The following GPRIN3 variants were observed in gnomAD, a reference collection of about 807,000 sequenced individuals.
GPRIN3 encodes GPRIN family member 3, also known as G protein-regulated inducer of neurite outgrowth 3.
In GPRIN3, 12 loss-of-function variants were observed where a neutral mutation model predicts 13.7. That is an observed-to-expected ratio of 0.87 (90% confidence interval 0.56 to 1.42). GPRIN3 has a LOEUF of 1.42. Among genes scored for constraint, GPRIN3 ranks in the 40% most tolerant of loss-of-function variants. GPRIN3 has a pLI of 0.00. For missense variants in GPRIN3, 1,009 were observed against 958.7 expected (o/e 1.05, Z -0.69); for synonymous variants, 377 against 372.7 (o/e 1.01, Z -0.13).
At position 89,249,351 on chromosome 4, in the gene GPRIN3, C is replaced by G; in HGVS notation, c.760G>C (p.Ala254Pro). The change falls in exon 2 of 2, where the codon GCC becomes CCC. Residue 254 changes from alanine to proline, a missense_variant. Physicochemically the swap from Ala to Pro is conservative, Grantham distance 27. Coordinates refer to ENST00000609438, the MANE Select transcript of GPRIN3 (RefSeq NM_198281.3). Reference sequence around the variant, plus strand: ...GAAGTTGTGCCTTGGGGGCCCGAGGCAGTGACAGAGGGCTGCTTGTTCTCT... The same window carrying G: ...GAAGTTGTGCCTTGGGGGCCCGAGGGAGTGACAGAGGGCTGCTTGTTCTCT... The part of the protein sequence containing the change: ...CSENKQPSVT[A>P]SGPQGTTSVT... 1 of 1,614,110 alleles carries G rather than the reference C, an allele frequency of 6.2e-7. No individual in the cohort carries two copies. Among genetic ancestry groups the G allele is most frequent in the Non-Finnish European group, 8.5e-7 (1 of 1,180,016 alleles).
intron 1 of GPRIN3, among the ~76,000 whole-genome samples, chr4:89,253,995 T>C (rs1723400052): frequency 6.6e-6 from 1 of 152,128 alleles, no homozygotes; most frequent in Non-Finnish European, 1.5e-5. Flanking sequence ...TGGTTTAGAA[T>C]GGGGAGTATG....
intron 1 of GPRIN3, among the ~76,000 whole-genome samples, chr4:89,264,807 A>AT (rs1202875303): frequency 6.6e-6 from 1 of 152,152 alleles, no homozygotes; most frequent in South Asian, 2.1e-4. Flanking sequence ...TGAAATTACT[A>AT]TTTTTTTCCA....
Position 89,247,471 on chromosome 4 carries a change from C to T in GPRIN3, c.*309G>A, listed in dbSNP as rs1247075456. ...ACAAAATAATACATGTATAATGATA[C>T]AATAATGCTATTTCTATGAACAACA... On this transcript the variant is annotated 3_prime_UTR_variant, in exon 2 of 2. Transcript: ENST00000609438. 5 of 272,126 alleles carry T rather than the reference C, an allele frequency of 1.8e-5. No individual in the cohort carries two copies. The highest frequency in any genetic ancestry group is 2.8e-5 in the Non-Finnish European group (4 of 145,234). 16.9% of individuals were successfully genotyped at this position (272,126 alleles called of 1,614,324 possible).
intron 1 of GPRIN3, among the ~76,000 whole-genome samples, chr4:89,260,890 G>C (rs1277053936): frequency 6.6e-6 from 1 of 152,108 alleles, no homozygotes; most frequent in Non-Finnish European, 1.5e-5. Context: ...TATTTAATAA[G>C]CTAACTGCCT....
chr4:89,291,047 C>A (rs1724557597), intron 1 of GPRIN3, among the ~76,000 whole-genome samples: 1 of 152,134 alleles, frequency 6.6e-6, no homozygotes, highest in Non-Finnish European at 1.5e-5. Context: ...TATCAGAGTG[C>A]AAATCTGTTC....
rs1723220142 is a variant in GPRIN3, at chr4:89,249,075, C to T, written c.1036G>A (p.Glu346Lys). ...SPSILTAFLK[E>K]SRAPEHFEQE... is the part of the protein sequence containing the mutation. ...TCAAAATGCTCAGGAGCACGGCTTT[C>T]CTTCAGAAATGCAGTGAGGATACTG... is the stretch of plus-strand genomic sequence containing the variant. The change falls in exon 2 of 2, where the codon GAA (glutamate) becomes AAA (lysine). Residue 346 changes from glutamate (E) to lysine (K), a missense_variant. Glu to Lys is a moderately conservative substitution (Grantham distance 56). Coordinates refer to ENST00000609438, the MANE Select transcript of GPRIN3 (RefSeq NM_198281.3). 6.2e-7 allele frequency: 1 copy of T among 1,614,176 alleles called. No individual in the cohort carries two copies. Among genetic ancestry groups the T allele is most frequent in the Non-Finnish European group, 8.5e-7 (1 of 1,180,026 alleles).
In GPRIN3 at chr4:89,248,794, C is replaced by T. The variant is rs1723201525; in HGVS notation, c.1317G>A (p.Arg439=). The T allele has an allele frequency of 1.2e-6, 2 of 1,614,088 alleles. No individual in the cohort carries two copies. Among genetic ancestry groups the T allele is most frequent in the South Asian group, 2.2e-5 (2 of 91,088 alleles). ...NAQHTCKEDG[R]LAGMTPVREE... ...CCCTCACTGGAGTCATTCCTGCTAA[C>T]CTCCCATCTTCTTTACACGTATGCT... is the stretch of plus-strand genomic sequence containing the variant. Residue 439 remains arginine, a synonymous_variant, in exon 2 of 2, where the codon AGG becomes AGA. Transcript: ENST00000609438.
chr4:89,306,621 C>T (rs1561241659), intron 1 of GPRIN3, among the ~76,000 whole-genome samples: 1 of 152,262 alleles, frequency 6.6e-6, no homozygotes, highest in East Asian at 1.9e-4. Context: ...ACACCTTACT[C>T]AAAGGTGGGT....
chr4:89,267,610 C>T (rs1432320519), intron 1 of GPRIN3, among the ~76,000 whole-genome samples: 1 of 152,178 alleles, frequency 6.6e-6, no homozygotes, highest in Admixed American at 6.5e-5. Context: ...TGGTCCTTAA[C>T]ATTCTTTCCT....
chr4:89,294,334 C>T (rs1164737384), intron 1 of GPRIN3, among the ~76,000 whole-genome samples: 1 of 152,072 alleles, frequency 6.6e-6, no homozygotes, highest in Non-Finnish European at 1.5e-5. Flanking sequence ...ATCAGCTGAG[C>T]CCAGGAGTTT....
intron 1 of GPRIN3, among the ~76,000 whole-genome samples, chr4:89,267,202 T>C (rs6532151): frequency 0.22 from 33,343 of 152,132 alleles, 4,348 homozygotes; most frequent in African/African-American, 0.37. Context: ...GCCAAGAGGT[T>C]TCCCATTTTA....
chr4:89,270,915 C>A (rs1383131660), intron 1 of GPRIN3, among the ~76,000 whole-genome samples: 2 of 151,974 alleles, frequency 1.3e-5, no homozygotes, highest in Non-Finnish European at 2.9e-5. Context: ...GAAGTGGAAA[C>A]TGAAAGAGAA....
intron 1 of GPRIN3, among the ~76,000 whole-genome samples, chr4:89,280,589 T>C (rs1405014446): frequency 1.3e-5 from 2 of 152,226 alleles, no homozygotes; most frequent in Non-Finnish European, 2.9e-5. Flanking sequence ...CTCTACTGTG[T>C]TGGACACTGT....
intron 1 of GPRIN3, among the ~76,000 whole-genome samples, chr4:89,286,825 T>C (rs1724430573): frequency 1.3e-5 from 2 of 152,174 alleles, no homozygotes; most frequent in African/African-American, 4.8e-5. Flanking sequence ...AGCAAATTAT[T>C]TTTGAATTCT....
At chr4:89,299,136 T>G (rs1724821467) in intron 1 of GPRIN3, among the ~76,000 whole-genome samples, 4 of 152,190 alleles carry the variant, frequency 2.6e-5, no homozygotes, top group African/African-American at 7.2e-5. Context: ...TTATATATTA[T>G]CAACCCATTT....
At chr4:89,283,856 C>T (rs937322617) in intron 1 of GPRIN3, among the ~76,000 whole-genome samples, 1 of 152,014 alleles carries the variant, frequency 6.6e-6, no homozygotes, top group Non-Finnish European at 1.5e-5. Context: ...GCTGCAGCTC[C>T]GGATGCAAGA....
intron 1 of GPRIN3, among the ~76,000 whole-genome samples, chr4:89,254,516 G>A (rs533434811): frequency 7.9e-5 from 12 of 152,262 alleles, no homozygotes; most frequent in African/African-American, 2.6e-4. Context: ...TAAGGATAAT[G>A]GCCTCCAGCT....
intron 1 of GPRIN3, among the ~76,000 whole-genome samples, chr4:89,292,175 A>G (rs970859700): frequency 6.6e-6 from 1 of 152,212 alleles, no homozygotes; most frequent in Non-Finnish European, 1.5e-5. Flanking sequence ...ATACATCCAA[A>G]GGCTAATCTA....
intron 1 of GPRIN3, among the ~76,000 whole-genome samples, chr4:89,304,856 C>G (rs1724993427): frequency 6.6e-6 from 1 of 152,160 alleles, no homozygotes; most frequent in African/African-American, 2.4e-5. Flanking sequence ...CCCTCATTCT[C>G]TCTCTTATTT....
Sources: gnomAD v4.1 joint callset for allele counts (sites outside exome capture counted in the v4.1 genomes callset) on GRCh38, gnomAD v4.1.1 for gene constraint, MANE v1.5 for transcripts, NCBI Gene and HGNC (gene_info 2026-07-23, HGNC 2026-07-21) for gene names.